Variants in LRP1 observed in about 807,000 individuals in gnomAD.
The protein encoded by LRP1 is LDL receptor related protein 1, also known as prolow-density lipoprotein receptor-related protein 1.
In LRP1, 51 loss-of-function variants were observed where a neutral mutation model predicts 541.5. That is an observed-to-expected ratio of 0.09 (90% confidence interval 0.08 to 0.12). The LOEUF is 0.12. Among genes scored for constraint, LRP1 ranks in the 10% least tolerant of loss-of-function variants. LRP1 has a pLI of 1.00. For missense variants in LRP1, 3,878 were observed against 6,376.2 expected (o/e 0.61, Z 13.34); for synonymous variants, 2,219 against 2,470.8 (o/e 0.90, Z 3.02).
intron 34 of LRP1, among the ~76,000 whole-genome samples, chr12:57,182,588 G>A (rs957436783): frequency 1.3e-5 from 2 of 151,338 alleles, no homozygotes; most frequent in Non-Finnish European, 2.9e-5. Context: ...AGGCTAAAGA[G>A]GGCGGATTAC....
At chr12:57,200,108 C>G in intron 62 of LRP1, 83 bp downstream of exon 62, 1 of 1,232,008 alleles carries the variant, frequency 8.1e-7, no homozygotes, top group Non-Finnish European at 1.1e-6. Context: ...CTGCTCTGTC[C>G]TAATGTCCTC....
At position 57,158,967 on chromosome 12, in the gene LRP1, T is replaced by C. The variant is rs1383999547; in HGVS notation, c.1798+329T>C. 1.3e-5 allele frequency among the ~76,000 whole-genome samples: 2 copies of C among 152,164 alleles called. No homozygotes were observed. Among genetic ancestry groups the C allele is most frequent in the Non-Finnish European group, 2.9e-5 (2 of 68,024 alleles). On this transcript the variant is annotated intron_variant, in intron 11 of 88. Transcript: ENST00000243077. The surrounding 1 kb of genome is among the most constrained non-coding windows in gnomAD (Gnocchi z 5.3). ...TGAGGTCTTGAATTGGAGACAGGCC[T>C]GCCAGATCAAAACAGGGCACACCCA...
chr12:57,146,005 C>A (rs2035399213), intron 6 of LRP1, among the ~76,000 whole-genome samples: 1 of 152,144 alleles, frequency 6.6e-6, no homozygotes, highest in African/African-American at 2.4e-5. Context: ...TTCTCTGTGG[C>A]TTTGTGGCAG....
rs774672814 is a variant in LRP1 at position 57,211,500 on chromosome 12, C to T, written c.13105C>T (p.Arg4369Trp). 1.1e-5 allele frequency: 17 copies of T among 1,613,884 alleles called. No homozygotes were observed. Among genetic ancestry groups the T allele is most frequent in the East Asian group, 4.5e-5 (2 of 44,886 alleles). ...TCCTTCCTGCAGCTGCACGGATGGC[C>T]GGGTGGCCCCCAGCTGTCTGACCTG... ...GDVTCNCTDG[R>W]VAPSCLTCVG... Residue 4369 changes from arginine to tryptophan, a missense_variant, in exon 85 of 89, where the codon CGG becomes TGG. Around this residue, in one of 13 missense-constraint regions of LRP1, gnomAD observed 871 missense variants for 1,212.4 expected, o/e 0.72. Transcript: ENST00000243077. The surrounding 1 kb of genome is among the most constrained non-coding windows in gnomAD (Gnocchi z 4.3).
At chr12:57,138,770 C>T (rs1453123645) in intron 2 of LRP1, among the ~76,000 whole-genome samples, 189 bp downstream of exon 2, 4 of 152,202 alleles carry the variant, frequency 2.6e-5, no homozygotes. Flanking sequence ...GCCTGTTGGG[C>T]TTAGAAATGG....
At position 57,184,134 on chromosome 12, in the gene LRP1, G is replaced by A; in HGVS notation, c.5979G>A (p.Arg1993=). ...GCTTTGATGTCATCGAGGTCGCCCGGCTCAATGGCTCCTTCCGCTACGTGG... is the reference window on the plus strand; with the variant it reads ...GCTTTGATGTCATCGAGGTCGCCCGACTCAATGGCTCCTTCCGCTACGTGG... ...DQGFDVIEVA[R]LNGSFRYVVI... Residue 1993 remains arginine (R), a synonymous_variant, in exon 37 of 89, where the codon CGG becomes CGA. Coordinates refer to ENST00000243077, the MANE Select transcript of LRP1 (RefSeq NM_002332.3). This position sits in a 1 kb window ranked among gnomAD's most constrained non-coding sequence, Gnocchi z 7.8. The A allele has an allele frequency of 6.2e-7, 1 of 1,614,102 alleles. No homozygotes were observed. Among genetic ancestry groups the A allele is most frequent in the African/African-American group, 1.3e-5 (1 of 75,026 alleles).
In LRP1 at chr12:57,212,182, C is replaced by T. The variant is rs2036933011; in HGVS notation, c.13415C>T (p.Thr4472Ile). The part of the protein sequence containing the change: ...GAMNVEIGNP[T>I]YKMYEGGEPD... ...ATGAACGTGGAGATTGGAAACCCCA[C>T]CTACAAGATGTACGAAGGCGGAGAG... The change falls in exon 88 of 89, where the codon ACC becomes ATC. Residue 4472 changes from threonine to isoleucine, a missense_variant. Physicochemically the swap from Thr to Ile is moderately conservative, Grantham distance 89 (BLOSUM62 -1). This residue lies in a region of LRP1 where 871 missense variants were observed against 1,212.4 expected (regional missense o/e 0.72). Coordinates refer to ENST00000243077, the MANE Select transcript of LRP1 (RefSeq NM_002332.3). This position sits in a 1 kb window ranked among gnomAD's most constrained non-coding sequence, Gnocchi z 5.0. The T allele has an allele frequency of 6.2e-7, 1 of 1,614,054 alleles. No homozygotes were observed. Among genetic ancestry groups the T allele is most frequent in the African/African-American group, 1.3e-5 (1 of 75,042 alleles).
chr12:57,178,221 C>G lies in LRP1; in HGVS notation c.4362-138C>G, dbSNP rs1441979290. ...CCTTCTGTCTGTCTGCTCTGGCCAG[C>G]AAGGCTTAGGGGAGGGAATGGTCCC... is the stretch of plus-strand genomic sequence containing the variant. On this transcript the variant is annotated intron_variant, in intron 26 of 88. Coordinates refer to ENST00000243077, the MANE Select transcript of LRP1 (RefSeq NM_002332.3). The surrounding 1 kb of genome is among the most constrained non-coding windows in gnomAD (Gnocchi z 5.8). 3 of 1,022,174 alleles carry G rather than the reference C, an allele frequency of 2.9e-6. No homozygotes were observed. The highest frequency in any genetic ancestry group is 4.2e-6 in the Non-Finnish European group (3 of 709,522). 63.3% of individuals were successfully genotyped at this position (1,022,174 alleles called of 1,614,324 possible).
At chr12:57,146,348 C>T (rs2035405958) in intron 6 of LRP1, 1 of 152,160 alleles carries the variant, frequency 6.6e-6, no homozygotes, top group South Asian at 2.1e-4. Flanking sequence ...GTTTAGTAAA[C>T]CAGAATTCCC....
Position 57,209,164 on chromosome 12 carries a change from G to C in LRP1, c.12227G>C (p.Gly4076Ala). 6.2e-7 allele frequency: 1 copy of C among 1,614,028 alleles called. No individual in the cohort carries two copies. Among genetic ancestry groups the C allele is most frequent in the Non-Finnish European group, 8.5e-7 (1 of 1,179,982 alleles). The change falls in exon 79 of 89, where the codon GGC becomes GCC. Residue 4076 changes from glycine (G) to alanine (A), a missense_variant. By Grantham distance (60) the Gly-to-Ala change is moderately conservative (BLOSUM62 0). Coordinates refer to ENST00000243077, the MANE Select transcript of LRP1 (RefSeq NM_002332.3). Reference sequence around the variant, plus strand: ...GTCATCGGCAGCATCCGGCTCAATGGCACGGACCCCATTGTGGCTGCTGAC... The same window carrying C: ...GTCATCGGCAGCATCCGGCTCAATGCCACGGACCCCATTGTGGCTGCTGAC... ...LSVIGSIRLN[G>A]TDPIVAADSK...
chr12:57,205,515 C>T lies in LRP1; in HGVS notation c.11470+30C>T. The T allele has an allele frequency of 6.2e-7, 1 of 1,612,562 alleles. No homozygotes were observed. The highest frequency in any genetic ancestry group is 8.5e-7 in the Non-Finnish European group (1 of 1,178,950). On this transcript the variant is annotated intron_variant, in intron 74 of 88. Coordinates refer to ENST00000243077, the MANE Select transcript of LRP1 (RefSeq NM_002332.3). The surrounding 1 kb of genome is among the most constrained non-coding windows in gnomAD (Gnocchi z 4.6). ...GAAAGCGGGGCAGAGCAGGGGTGGA[C>T]ACCCCAACTGTGGACTCTCATGACC...
chr12:57,185,988 A>G lies in LRP1; in HGVS notation c.6841+80A>G. On this transcript the variant is annotated intron_variant, in intron 41 of 88. Transcript: ENST00000243077. The surrounding 1 kb of genome is among the most constrained non-coding windows in gnomAD (Gnocchi z 4.9). ...ACAGACTCTTAGACCCCAGCCAGGC[A>G]CTCTACCCTAGGTCTGAATCCCAGC... 2 of 1,465,588 alleles carry G rather than the reference A, an allele frequency of 1.4e-6. No individual in the cohort carries two copies. Among genetic ancestry groups the G allele is most frequent in the Non-Finnish European group, 1.8e-6 (2 of 1,095,466 alleles). 90.8% of individuals were successfully genotyped at this position (1,465,588 alleles called of 1,614,324 possible). A position where few individuals can be genotyped will look rare whatever the true frequency, so the allele number is the denominator to read the frequency against.
chr12:57,199,075 T>G, intron 60 of LRP1, 137 bp from the exon 61 acceptor site: 1 of 787,712 alleles, frequency 1.3e-6, no homozygotes, highest in Non-Finnish European at 2.1e-6. Context: ...CCATGGGGGG[T>G]CTGTACCATG....
rs183158599 is a variant in LRP1, at chr12:57,207,006, C to T, written c.11859+265C>T. 2.6e-5 allele frequency among the ~76,000 whole-genome samples: 4 copies of T among 152,270 alleles called. No homozygotes were observed. In the East Asian group the frequency reaches 5.8e-4, roughly 22 times the overall value. ...CCTGTAATCCCAGCACTTTGGGAGG[C>T]AGAGGTGGGTGGATCACGAGGTCAG... On this transcript the variant is annotated intron_variant, in intron 76 of 88. Transcript: ENST00000243077.
rs1390341970 is a variant in LRP1, at chr12:57,177,948, T to C, written c.4361+357T>C. ...CCAGGGAGGGTGCCTTTTTCTTTTC[T>C]TTTTTTTTTTTTTTTTTTGAGACAG... On this transcript the variant is annotated intron_variant, in intron 26 of 88. Transcript: ENST00000243077. The surrounding 1 kb of genome is among the most constrained non-coding windows in gnomAD (Gnocchi z 6.8). Among the ~76,000 whole-genome samples the C allele has an allele frequency of 1.0e-4, 5 of 49,980 alleles. No individual in the cohort carries two copies. The highest frequency in any genetic ancestry group is 1.7e-4 in the Non-Finnish European group (5 of 30,038). The allele number at this position is 49,980 out of a possible 152,430, so 32.8% of individuals were successfully genotyped here. A position where few individuals can be genotyped will look rare whatever the true frequency, so the allele number is the denominator to read the frequency against.
At chr12:57,138,421 A>T in intron 1 of LRP1, 38 bp from the exon 2 acceptor site, 1 of 1,607,446 alleles carries the variant, frequency 6.2e-7, no homozygotes, top group Admixed American at 1.7e-5. Context: ...GTTGGCCTCC[A>T]TCCTTCATTT....
chr12:57,149,932 C>T (rs2035494857), intron 6 of LRP1: 2 of 605,762 alleles, frequency 3.3e-6, no homozygotes, highest in South Asian at 3.9e-5. Context: ...CTGTCCTCTC[C>T]CACTGTCTTG....
chr12:57,179,807 T>C lies in LRP1; in HGVS notation c.4992T>C (p.Ala1664=), dbSNP rs757963763. 21 of 1,613,986 alleles carry C rather than the reference T, an allele frequency of 1.3e-5. No individual in the cohort carries two copies. The highest frequency in any genetic ancestry group is 3.3e-5 in the Admixed American group (2 of 60,004). Residue 1664 remains alanine (A), a synonymous_variant, in exon 30 of 89, where the codon GCT becomes GCC. Transcript: ENST00000243077. This position sits in a 1 kb window ranked among gnomAD's most constrained non-coding sequence, Gnocchi z 6.8. ...SADLPNAHGL[A]VDWVSRNLFW... is the part of the protein sequence containing the mutation. ...ACTTGCCAAATGCCCACGGGCTGGC[T>C]GTGGACTGGGTCTCCCGAAACCTGT... is the stretch of plus-strand genomic sequence containing the variant.
At chr12:57,129,615 G>GT (rs2034995643) in intron 1 of LRP1, among the ~76,000 whole-genome samples, 1 of 152,218 alleles carries the variant, frequency 6.6e-6, no homozygotes, top group African/African-American at 2.4e-5. Flanking sequence ...GGGTGCTGAA[G>GT]TAGGCTCTTC....
Sources: gnomAD v4.1 joint callset for allele counts (sites outside exome capture counted in the v4.1 genomes callset) on GRCh38, gnomAD v4.1.1 for gene constraint, gnomAD v4.1.1 regional missense constraint, Gnocchi (gnomAD v3.1) non-coding constraint, MANE v1.5 for transcripts, NCBI Gene and HGNC (gene_info 2026-07-23, HGNC 2026-07-21) for gene names.